Variants in SMYD3 observed in about 807,000 individuals in gnomAD.
The protein encoded by SMYD3 is histone-lysine N-methyltransferase SMYD3.
In SMYD3, 36 loss-of-function variants were observed where a neutral mutation model predicts 57.7. The observed-to-expected ratio is 0.62, with a 90% CI of 0.48 to 0.82. The LOEUF (loss-of-function observed/expected upper bound fraction) is 0.82, where lower values mean the gene tolerates loss of function less well. Ranked by LOEUF, SMYD3 falls within the 40% of genes least tolerant of loss-of-function variation. The pLI is 0.00. For synonymous variants in SMYD3, 211 were observed against 195.0 expected (o/e 1.08, Z -0.68); for missense variants, 515 against 538.8 (o/e 0.96, Z 0.44).
At chr1:245,894,332 G>A (rs2053605296) in intron 8 of SMYD3, among the ~76,000 whole-genome samples, 2 of 106,820 alleles carry the variant, frequency 1.9e-5, no homozygotes, top group South Asian at 3.1e-4. Flanking sequence ...TCAGCACTCT[G>A]TAAAAGGAAC....
intron 5 of SMYD3, among the ~76,000 whole-genome samples, chr1:246,001,029 C>A (rs2059031799): frequency 6.6e-6 from 1 of 152,134 alleles, no homozygotes; most frequent in Non-Finnish European, 1.5e-5. Context: ...ATTATCAGCC[C>A]ATTTACACCA....
At chr1:245,795,943 C>A (rs1417967628) in intron 10 of SMYD3, among the ~76,000 whole-genome samples, 1 of 152,180 alleles carries the variant, frequency 6.6e-6, no homozygotes, top group African/African-American at 2.4e-5. Context: ...ATCTTAGTAA[C>A]CCTATCTCCC....
At position 246,335,494 on chromosome 1, in the gene SMYD3, G is replaced by C; in HGVS notation, c.229-20C>G. 6.3e-7 allele frequency: 1 copy of C among 1,599,064 alleles called. No individual in the cohort carries two copies. ...TTTTTTCTATTAAAACAAGAGTGGGGAGAACATAGGTGACCTAAAATTTAA... is the reference window on the plus strand; with the variant it reads ...TTTTTTCTATTAAAACAAGAGTGGGCAGAACATAGGTGACCTAAAATTTAA... On this transcript the variant is annotated intron_variant, in intron 2 of 11. Coordinates refer to ENST00000490107, the MANE Select transcript of SMYD3 (RefSeq NM_001167740.2).
intron 3 of SMYD3, among the ~76,000 whole-genome samples, chr1:246,331,448 T>C (rs749615174): frequency 1.3e-5 from 2 of 152,214 alleles, no homozygotes; most frequent in African/African-American, 2.4e-5. Context: ...CAGAGATTAC[T>C]ACCATCTCAT....
intron 8 of SMYD3, among the ~76,000 whole-genome samples, chr1:245,892,723 A>C (rs146919164): frequency 6.6e-6 from 1 of 152,250 alleles, no homozygotes; most frequent in African/African-American, 2.4e-5. Context: ...GCATACACAT[A>C]AATTAACTGA....
chr1:246,099,080 A>G (rs138679449), intron 5 of SMYD3, among the ~76,000 whole-genome samples: 6 of 152,358 alleles, frequency 3.9e-5, no homozygotes, highest in Non-Finnish European at 5.9e-5. Flanking sequence ...GTTTTCAACT[A>G]TCAGATTTAA....
intron 5 of SMYD3, among the ~76,000 whole-genome samples, chr1:245,951,648 CAGG>C (rs2057656764): frequency 6.6e-6 from 1 of 150,682 alleles, no homozygotes; most frequent in African/African-American, 2.5e-5. Flanking sequence ...GTGATCTGAC[CAGG>C]AGAACTCTCC....
chr1:245,856,933 A>G (rs61465098), intron 10 of SMYD3, among the ~76,000 whole-genome samples: 10,418 of 152,210 alleles, frequency 0.068, 1,174 homozygotes, highest in African/African-American at 0.24. Context: ...GAGTTCAGAG[A>G]GGTAACGCCA....
intron 1 of SMYD3, among the ~76,000 whole-genome samples, chr1:246,451,656 G>C (rs1449545779): frequency 6.6e-6 from 1 of 152,248 alleles, no homozygotes; most frequent in Non-Finnish European, 1.5e-5. Context: ...GTCATGAGTA[G>C]AAGGTGATCG....
intron 5 of SMYD3, among the ~76,000 whole-genome samples, chr1:246,211,899 G>A (rs1166351359): frequency 6.9e-6 from 1 of 144,862 alleles, no homozygotes; most frequent in African/African-American, 2.5e-5. Context: ...TGTAATCCCT[G>A]TACAAGATTG....
intron 10 of SMYD3, among the ~76,000 whole-genome samples, chr1:245,797,555 T>C (rs550084386): frequency 1.3e-5 from 2 of 148,400 alleles, no homozygotes; most frequent in Non-Finnish European, 3.0e-5. Context: ...AGGATAGCAT[T>C]AGGAGATATA....
At chr1:246,503,874 C>A (rs10754519) in intron 1 of SMYD3, among the ~76,000 whole-genome samples, 121,097 of 150,796 alleles carry the variant, frequency 0.8, 49,930 homozygotes, top group Non-Finnish European at 0.9. Flanking sequence ...GAATCGCTTG[C>A]ACCTGGGAGG....
chr1:246,391,894 T>C (rs550839612), intron 1 of SMYD3, among the ~76,000 whole-genome samples: 66 of 152,240 alleles, frequency 4.3e-4, no homozygotes, highest in African/African-American at 1.6e-3. Flanking sequence ...CCCCGAACAT[T>C]CAATGTCTTC....
chr1:245,976,497 GGCCCAGGGAAAGCCATCGTCTCTA>G (rs1387532378), intron 5 of SMYD3, among the ~76,000 whole-genome samples: 11 of 19,960 alleles, frequency 5.5e-4, no homozygotes, highest in African/African-American at 8.4e-4. Context: ...CATCGTCTCC[GGCCCAGGGAAAGCCATCGTCTCTA>G]GCCCAGGGAA....
chr1:245,925,872 G>A (rs921257182), intron 7 of SMYD3, among the ~76,000 whole-genome samples: 1 of 152,188 alleles, frequency 6.6e-6, no homozygotes, highest in African/African-American at 2.4e-5. Context: ...CTTCTAATAT[G>A]GGAAATCAGG....
intron 5 of SMYD3, among the ~76,000 whole-genome samples, chr1:246,003,812 CCA>C (rs1003025405): frequency 3.9e-5 from 6 of 152,162 alleles, no homozygotes; most frequent in African/African-American, 1.4e-4. Flanking sequence ...CTTTCTTTCT[CCA>C]CAGTTTTCCC....
chr1:246,446,469 G>A (rs1189158437), intron 1 of SMYD3, among the ~76,000 whole-genome samples: 1 of 151,962 alleles, frequency 6.6e-6, no homozygotes, highest in African/African-American at 2.4e-5. Flanking sequence ...CTGTGACCGG[G>A]GAGAGAAAAC....
At chr1:246,061,314 A>G (rs1474791623) in intron 5 of SMYD3, among the ~76,000 whole-genome samples, 1 of 152,222 alleles carries the variant, frequency 6.6e-6, no homozygotes, top group Non-Finnish European at 1.5e-5. Context: ...GGTAGGTACC[A>G]TATGACTATT....
chr1:246,102,755 A>AAAATAATAAT (rs200094097), intron 5 of SMYD3, among the ~76,000 whole-genome samples: 1 of 146,924 alleles, frequency 6.8e-6, no homozygotes, highest in African/African-American at 2.5e-5. Flanking sequence ...AAAAAAAAAA[A>AAAATAATAAT]AATAATAATA....
Sources: allele counts gnomAD v4.1 joint callset (sites outside exome capture counted in the v4.1 genomes callset), GRCh38; gene constraint gnomAD v4.1.1; transcripts MANE v1.5; gene names NCBI Gene and HGNC (gene_info 2026-07-23, HGNC 2026-07-21).